TAB3: variants seen among roughly 807,000 people sequenced by gnomAD.
The protein encoded by TAB3 is TGF-beta activated kinase 1 (MAP3K7) binding protein 3, also known as TGF-beta-activated kinase 1 and MAP3K7-binding protein 3.
TAB3 carries 18 observed loss-of-function variants against 48.1 expected under a neutral mutation model. The observed-to-expected ratio is 0.37, with a 90% CI of 0.26 to 0.55. TAB3 has a LOEUF of 0.55. Ranked by LOEUF, TAB3 falls within the 20% of genes least tolerant of loss-of-function variation. The probability of loss-of-function intolerance (pLI) is 0.78; values close to 1 mark genes in which losing one functional copy is unlikely to be tolerated. For missense variants in TAB3, 414 were observed against 549.8 expected, an observed-to-expected ratio of 0.75 and a Z score of 2.47; for synonymous variants, 185 against 190.2, an observed-to-expected ratio of 0.97 and a Z score of 0.22.
chrX:30,853,626 C>T (rs1375164785), intron 6 of TAB3, among the ~76,000 whole-genome samples: 1 of 112,580 alleles, frequency 8.9e-6, no homozygotes, highest in Non-Finnish European at 1.9e-5. Context: ...CCTACATTTT[C>T]ATGTTTTAAA....
chrX:30,852,637 T>A, intron 7 of TAB3, 141 bp downstream of exon 7: 2 of 586,533 alleles, frequency 3.4e-6, no homozygotes, highest in Non-Finnish European at 5.0e-6. Context: ...AAGTCCTTCA[T>A]CTGTTGTTTT....
chrX:30,841,869 C>T (rs1938455985), intron 9 of TAB3, among the ~76,000 whole-genome samples: 1 of 112,062 alleles, frequency 8.9e-6, no homozygotes, highest in African/African-American at 3.2e-5. Flanking sequence ...AGTACAGTGG[C>T]GCGATCTCGG....
chrX:30,850,332 T>C (rs1458042252), intron 7 of TAB3, among the ~76,000 whole-genome samples: 1 of 112,083 alleles, frequency 8.9e-6, no homozygotes, highest in Admixed American at 9.5e-5. Context: ...TACTATTTTA[T>C]GTATCTTTGA....
intron 1 of TAB3, among the ~76,000 whole-genome samples, chrX:30,873,527 A>C (rs1468743543): frequency 7.5e-5 from 8 of 107,247 alleles, no homozygotes; most frequent in Admixed American, 2.0e-4. Flanking sequence ...TCCGTCTCAA[A>C]AAAAAAAAAA....
chrX:30,866,587 G>A (rs995583153), intron 4 of TAB3, among the ~76,000 whole-genome samples: 10 of 110,161 alleles, frequency 9.1e-5, no homozygotes, highest in Non-Finnish European at 1.7e-4. Flanking sequence ...AGCTCCCAAT[G>A]GTCAAAGCTG....
Position 30,855,432 on chromosome X carries a change from A to G in TAB3, c.233T>C (p.Ile78Thr). ...TGGGTGATAGCTACTAGGAGAATGG[A>G]TACCCAGGTTAATATGTAAAAGGCG... Reference protein sequence around the residue: ...RNRLLHINLGIHSPSSYHPGD... With the variant: ...RNRLLHINLGTHSPSSYHPGD... The change falls in exon 6 of 11, where the codon ATC (isoleucine) becomes ACC (threonine). Residue 78 changes from isoleucine (I) to threonine (T), a missense_variant. Transcript: ENST00000288422. 8.3e-7 allele frequency: 1 copy of G among 1,211,519 alleles called. No individual in the cohort carries two copies. Among genetic ancestry groups the G allele is most frequent in the South Asian group, 1.8e-5 (1 of 56,901 alleles).
rs907493652 is a variant in TAB3, at chrX:30,829,341, A to C, written c.*2086T>G. On this transcript the variant is annotated 3_prime_UTR_variant, in exon 11 of 11. Coordinates refer to ENST00000288422, the MANE Select transcript of TAB3 (RefSeq NM_152787.5). Reference sequence around the variant, plus strand: ...TCCACTTCAGCATATCACTATGAATACTGGTAAACCTTTTAGCTAGGACAC... The same window carrying C: ...TCCACTTCAGCATATCACTATGAATCCTGGTAAACCTTTTAGCTAGGACAC... The C allele has an allele frequency of 8.9e-6, 1 of 112,357 alleles. No individual in the cohort carries two copies. The highest frequency in any genetic ancestry group is 3.2e-5 in the African/African-American group (1 of 30,773). The allele number at this position is 112,357 out of a possible 1,213,427, so 9.3% of individuals were successfully genotyped here.
At chrX:30,850,676 C>A (rs1400068335) in intron 7 of TAB3, among the ~76,000 whole-genome samples, 1 of 105,617 alleles carries the variant, frequency 9.5e-6, no homozygotes, top group Non-Finnish European at 1.9e-5. Context: ...CACGCCATTG[C>A]ACTCCAGCCT....
intron 5 of TAB3, among the ~76,000 whole-genome samples, chrX:30,857,564 T>C (rs1334819789): frequency 1.8e-5 from 2 of 111,408 alleles, no homozygotes; most frequent in Non-Finnish European, 3.8e-5. Flanking sequence ...TTCCATGTTC[T>C]CTACACTGAG....
At chrX:30,869,664 G>A (rs2147391186) in intron 2 of TAB3, among the ~76,000 whole-genome samples, 1 of 112,087 alleles carries the variant, frequency 8.9e-6, no homozygotes, top group African/African-American at 3.2e-5. Context: ...TAAGGTCTTG[G>A]TTGCATCAAT....
intron 10 of TAB3, among the ~76,000 whole-genome samples, chrX:30,833,826 G>A (rs1175180629): frequency 8.7e-5 from 5 of 57,498 alleles, no homozygotes; most frequent in East Asian, 5.2e-4. Flanking sequence ...GCGAGACTCC[G>A]TCTCAAAAAA....
intron 9 of TAB3, among the ~76,000 whole-genome samples, chrX:30,840,807 C>T (rs1938410177): frequency 9.0e-6 from 1 of 111,538 alleles, no homozygotes; most frequent in Admixed American, 9.5e-5. Context: ...GCTCATGATG[C>T]ACGTGTTTTC....
chrX:30,840,087 TATTATC>T (rs1049056391), intron 9 of TAB3, among the ~76,000 whole-genome samples: 22 of 109,313 alleles, frequency 2.0e-4, no homozygotes, highest in Middle Eastern at 4.7e-3. Flanking sequence ...CACTTTCCCT[TATTATC>T]ATTATCATTG....
Position 30,869,937 on chromosome X carries a change from T to C in TAB3, c.-280+1762A>G, listed in dbSNP as rs781328704. On this transcript the variant is annotated intron_variant, in intron 2 of 10. Coordinates refer to ENST00000288422, the MANE Select transcript of TAB3 (RefSeq NM_152787.5). ...ACTCATTCAAAAAACTTGTTTCAGG[T>C]ATGTGCGTATGTACTAGATCACGAT... Among the ~76,000 whole-genome samples, 10 of 112,727 alleles carry C rather than the reference T, an allele frequency of 8.9e-5. No homozygotes were observed. In the South Asian group the frequency reaches 3.7e-3, roughly 41 times the overall value.
chrX:30,851,839 C>T (rs141782925), intron 7 of TAB3, among the ~76,000 whole-genome samples: 1,860 of 112,080 alleles, frequency 0.017, 18 homozygotes, highest in Middle Eastern at 0.037. Context: ...AAGATTTACA[C>T]GTGCAGAGCT....
chrX:30,859,828 C>T (rs1050204516), intron 4 of TAB3, 150 bp from the exon 5 acceptor site: 13 of 375,327 alleles, frequency 3.5e-5, no homozygotes, highest in Non-Finnish European at 5.4e-5. Flanking sequence ...TGCCTCTCCC[C>T]TCCACAATGC....
At chrX:30,882,828 T>C (rs1353400346) in intron 1 of TAB3, among the ~76,000 whole-genome samples, 2 of 112,315 alleles carry the variant, frequency 1.8e-5, no homozygotes, top group African/African-American at 6.5e-5. Flanking sequence ...CCAATGTTAA[T>C]GTCTTCGTTT....
Position 30,854,374 on chromosome X carries a change from A to G in TAB3, c.1291T>C (p.Tyr431His). 8.3e-7 allele frequency: 1 copy of G among 1,211,829 alleles called. No individual in the cohort carries two copies. Residue 431 changes from tyrosine to histidine, a missense_variant, in exon 6 of 11, where the codon TAT becomes CAT. By Grantham distance (83) the Tyr-to-His change is moderately conservative. Transcript: ENST00000288422. ...PFSVNPVYIT[Y>H]TQPTGPSCTP... ...CAAGAAGGTCCAGTTGGCTGTGTAT[A>G]TGTAATATACACAGGATTAACACTA... is the stretch of plus-strand genomic sequence containing the variant.
At chrX:30,844,069 A>G (rs1320980166) in intron 8 of TAB3, 1 of 110,111 alleles carries the variant, frequency 9.1e-6, no homozygotes, top group Non-Finnish European at 1.9e-5. Context: ...ATCTATTCTA[A>G]ATGCTTATTC....
Sources: allele counts gnomAD v4.1 joint callset (sites outside exome capture counted in the v4.1 genomes callset), GRCh38; gene constraint gnomAD v4.1.1; transcripts MANE v1.5; gene names NCBI Gene and HGNC (gene_info 2026-07-23, HGNC 2026-07-21).